Variants in PDE4D observed in about 807,000 individuals in gnomAD.
The protein encoded by PDE4D is 3',5'-cyclic-AMP phosphodiesterase 4D.
A neutral mutation model predicts 87.4 loss-of-function variants in PDE4D; 24 were observed. The observed-to-expected ratio is 0.27, with a 90% CI of 0.20 to 0.39. PDE4D has a LOEUF of 0.39. PDE4D is among the 10% of genes least tolerant of loss of function. PDE4D has a pLI of 1.00. For synonymous variants in PDE4D, 384 were observed against 383.2 expected (o/e 1.00, Z -0.02); for missense variants, 714 against 1,041.0 (o/e 0.69, Z 4.32).
chr5:59,402,541 A>T (rs432879), intron 1 of PDE4D, among the ~76,000 whole-genome samples: 37,443 of 152,078 alleles, frequency 0.25, 4,964 homozygotes, highest in East Asian at 0.39. Context: ...CCTATCAAAG[A>T]TTAAAGGGGA....
intron 3 of PDE4D, among the ~76,000 whole-genome samples, chr5:59,936,855 T>C (rs1006940200): frequency 6.6e-6 from 1 of 152,056 alleles, no homozygotes; most frequent in Non-Finnish European, 1.5e-5. Context: ...AATGACAAAA[T>C]AAAGATAAGA....
At chr5:59,337,548 C>CA (rs954183811) in intron 1 of PDE4D, among the ~76,000 whole-genome samples, 9 of 152,068 alleles carry the variant, frequency 5.9e-5, no homozygotes, top group African/African-American at 2.2e-4. Flanking sequence ...CTGTGCTGGG[C>CA]ACTGTACATG....
intron 1 of PDE4D, among the ~76,000 whole-genome samples, chr5:60,289,988 T>C (rs535120280): frequency 6.6e-6 from 1 of 152,174 alleles, no homozygotes; most frequent in Non-Finnish European, 1.5e-5. Context: ...TGGAGAAAGA[T>C]GAAGTAATTT....
intron 2 of PDE4D, among the ~76,000 whole-genome samples, chr5:60,122,427 G>C (rs13164986): frequency 6.6e-6 from 1 of 152,174 alleles, no homozygotes; most frequent in Non-Finnish European, 1.5e-5. Flanking sequence ...AAATATAGGC[G>C]GAGGTTCCCG....
At chr5:60,134,065 T>C (rs1779820250) in intron 2 of PDE4D, among the ~76,000 whole-genome samples, 1 of 152,242 alleles carries the variant, frequency 6.6e-6, no homozygotes, top group Non-Finnish European at 1.5e-5. Flanking sequence ...AGATATGTGA[T>C]CTGCTGGATC....
intron 5 of PDE4D, among the ~76,000 whole-genome samples, chr5:59,168,900 C>T (rs1395003945): frequency 6.6e-6 from 1 of 152,100 alleles, no homozygotes; most frequent in South Asian, 2.1e-4. Flanking sequence ...CCCAGTTTTG[C>T]ATCTATGAAG....
intron 1 of PDE4D, among the ~76,000 whole-genome samples, chr5:60,298,359 T>G (rs966956369): frequency 6.6e-6 from 1 of 152,182 alleles, no homozygotes; most frequent in Non-Finnish European, 1.5e-5. Context: ...TTCTACTCTT[T>G]CCAAAATGGG....
At chr5:59,153,924 C>T (rs943158718) in intron 5 of PDE4D, among the ~76,000 whole-genome samples, 1 of 151,866 alleles carries the variant, frequency 6.6e-6, no homozygotes, top group Non-Finnish European at 1.5e-5. Flanking sequence ...ATAAAGTGAA[C>T]CAGGCAATTA....
At chr5:60,367,451 C>CAAAAAA (rs34724141) in intron 1 of PDE4D, among the ~76,000 whole-genome samples, 1 of 131,808 alleles carries the variant, frequency 7.6e-6, no homozygotes. Flanking sequence ...AACTCCATAT[C>CAAAAAA]AAAAAAAAAA....
At chr5:60,198,334 T>C (rs1434245606) in intron 1 of PDE4D, among the ~76,000 whole-genome samples, 1 of 151,526 alleles carries the variant, frequency 6.6e-6, no homozygotes, top group African/African-American at 2.4e-5. Flanking sequence ...ACAAAAGTAA[T>C]TTATGTAAGA....
At chr5:60,221,550 T>G (rs1723896632) in intron 1 of PDE4D, among the ~76,000 whole-genome samples, 1 of 152,124 alleles carries the variant, frequency 6.6e-6, no homozygotes, top group African/African-American at 2.4e-5. Flanking sequence ...GAGTTGATTT[T>G]GATAAATTTG....
At chr5:60,199,315 A>T (rs1338612600) in intron 1 of PDE4D, among the ~76,000 whole-genome samples, 3 of 151,742 alleles carry the variant, frequency 2.0e-5, no homozygotes, top group Admixed American at 1.3e-4. Context: ...CTGATTATCC[A>T]AATAGCTGTT....
rs1292501939 is a variant in PDE4D, at chr5:59,115,810, C to T, written c.808+64785G>A. Reference sequence around the variant, plus strand: ...AGGTTAATGGACCACTCTGAGCTTACTTATCAAAGTCTACTGCTCTTCCAC... The same window carrying T: ...AGGTTAATGGACCACTCTGAGCTTATTTATCAAAGTCTACTGCTCTTCCAC... On this transcript the variant is annotated intron_variant, in intron 5 of 14. Transcript: ENST00000340635. 2.8e-4 allele frequency among the ~76,000 whole-genome samples: 43 copies of T among 152,168 alleles called. 1 individual carries two copies. Among genetic ancestry groups the T allele is most frequent in the Non-Finnish European group, 1.6e-4 (11 of 68,022 alleles).
intron 1 of PDE4D, among the ~76,000 whole-genome samples, chr5:60,496,839 A>G (rs949110973): frequency 6.6e-6 from 1 of 152,222 alleles, no homozygotes; most frequent in Non-Finnish European, 1.5e-5. Context: ...ACAACTTCCC[A>G]TATTTCTAGT....
chr5:60,313,284 C>A (rs1361779414), intron 1 of PDE4D, among the ~76,000 whole-genome samples: 1 of 152,104 alleles, frequency 6.6e-6, no homozygotes, highest in Non-Finnish European at 1.5e-5. Context: ...AAAAAACCCT[C>A]AGAGACTATA....
rs376980273 is a variant in PDE4D, at chr5:60,040,689, C to T, written c.43-51972G>A. On this transcript the variant is annotated intron_variant, in intron 2 of 16. Transcript: ENST00000502484. ...ATACAGTTAATATTAGGTGTATGCACATTCAAAACTAATGATACATTATAA... is the reference window on the plus strand; with the variant it reads ...ATACAGTTAATATTAGGTGTATGCATATTCAAAACTAATGATACATTATAA... Among the ~76,000 whole-genome samples the T allele has an allele frequency of 6.7e-4, 102 of 152,212 alleles. 2 individuals are homozygous for T. In the South Asian group the frequency reaches 0.021, roughly 31 times the overall value.
intron 1 of PDE4D, among the ~76,000 whole-genome samples, chr5:59,519,012 TA>T (rs1190482645): frequency 2.6e-5 from 4 of 152,204 alleles, no homozygotes; most frequent in African/African-American, 9.6e-5. Context: ...TAATAAGTGT[TA>T]GAGACTTAGT....
intron 1 of PDE4D, among the ~76,000 whole-genome samples, chr5:59,585,275 A>G (rs1824930749): frequency 6.6e-6 from 1 of 152,176 alleles, no homozygotes; most frequent in South Asian, 2.1e-4. Flanking sequence ...AAAACTCTGT[A>G]ACAAACCAGC....
upstream of PDE4D, among the ~76,000 whole-genome samples, chr5:60,492,105 C>G (rs1254215984): frequency 6.6e-6 from 1 of 150,912 alleles, no homozygotes; most frequent in Non-Finnish European, 1.5e-5. Flanking sequence ...CACATGTACC[C>G]TAAAACTTAA....
Sources: gnomAD v4.1 joint callset for allele counts (sites outside exome capture counted in the v4.1 genomes callset) on GRCh38, gnomAD v4.1.1 for gene constraint, MANE v1.5 for transcripts, NCBI Gene and HGNC (gene_info 2026-07-23, HGNC 2026-07-21) for gene names.